CACNA2D3: variants seen among roughly 807,000 people sequenced by gnomAD.
CACNA2D3 encodes the protein calcium voltage-gated channel auxiliary subunit alpha2delta 3, also known as voltage-dependent calcium channel subunit alpha-2/delta-3.
CACNA2D3 carries 60 observed loss-of-function variants against 160.6 expected under a neutral mutation model. The ratio of observed to expected loss-of-function variants is 0.37; its 90% CI spans 0.30 to 0.46. The LOEUF is 0.46. Among genes scored for constraint, CACNA2D3 ranks in the 20% least tolerant of loss-of-function variants. The pLI, the probability that CACNA2D3 is intolerant of heterozygous loss-of-function variation, is 1.00. For synonymous variants in CACNA2D3, 558 were observed against 492.9 expected (o/e 1.13, Z -1.75); for missense variants, 1,205 against 1,365.0 (o/e 0.88, Z 1.85).
rs150941585 is a variant in CACNA2D3, at chr3:54,747,363, T to C, written c.1168-5236T>C. On this transcript the variant is annotated intron_variant, in intron 11 of 37. Coordinates refer to ENST00000474759, the MANE Select transcript of CACNA2D3 (RefSeq NM_018398.3). ...CCACAGTCATCTCTCACCTGGAACA[T>C]TGTAGTGGCCTCCTACTTACTACCT... Among the ~76,000 whole-genome samples the C allele has an allele frequency of 2.4e-3, 365 of 152,244 alleles. 2 individuals carry two copies. The highest frequency in any genetic ancestry group is 4.7e-3 in the Admixed American group (72 of 15,290).
intron 3 of CACNA2D3, among the ~76,000 whole-genome samples, chr3:54,370,489 A>G (rs1260843430): frequency 2.0e-5 from 3 of 152,156 alleles, no homozygotes; most frequent in African/African-American, 7.2e-5. Flanking sequence ...CTTAAAGGAG[A>G]TTTCAGTCTC....
chr3:54,313,757 C>T (rs925219220), intron 2 of CACNA2D3, among the ~76,000 whole-genome samples: 5 of 150,312 alleles, frequency 3.3e-5, no homozygotes, highest in African/African-American at 9.8e-5. Context: ...CCACCCCCAG[C>T]CTTGTCGTCC....
chr3:54,955,084 C>T (rs182035820), intron 27 of CACNA2D3, among the ~76,000 whole-genome samples: 41 of 152,266 alleles, frequency 2.7e-4, no homozygotes, highest in Admixed American at 2.4e-3. Context: ...GGAGAGAAGA[C>T]ATACAAAATT....
chr3:54,568,249 A>G (rs1331184873), intron 6 of CACNA2D3, among the ~76,000 whole-genome samples: 5 of 152,218 alleles, frequency 3.3e-5, no homozygotes, highest in African/African-American at 1.2e-4. Flanking sequence ...GCAGTGTTGC[A>G]CAATGATTCA....
At chr3:54,223,613 T>A (rs1247087125) in intron 2 of CACNA2D3, among the ~76,000 whole-genome samples, 1 of 152,108 alleles carries the variant, frequency 6.6e-6, no homozygotes, top group Admixed American at 6.6e-5. Flanking sequence ...CCCATCACTT[T>A]GGGAGGCCAA....
Position 54,910,108 on chromosome 3 carries a change from A to G in CACNA2D3, c.2449+10240A>G, listed in dbSNP as rs142420138. ...AGAAGATGTGCAGGATGTTAGGATC[A>G]ATGCCTGAATGTCATGGTCACCTCA... On this transcript the variant is annotated intron_variant, in intron 27 of 37. Coordinates refer to ENST00000474759, the MANE Select transcript of CACNA2D3 (RefSeq NM_018398.3). 1.9e-3 allele frequency among the ~76,000 whole-genome samples: 288 copies of G among 152,306 alleles called. 1 individual carries two copies. Among genetic ancestry groups the G allele is most frequent in the African/African-American group, 6.5e-3 (269 of 41,574 alleles).
chr3:54,998,081 A>T (rs1000635792), intron 31 of CACNA2D3, among the ~76,000 whole-genome samples: 1 of 151,342 alleles, frequency 6.6e-6, no homozygotes, highest in East Asian at 1.9e-4. Context: ...AAATATGACC[A>T]TCAGAGATAA....
intron 3 of CACNA2D3, among the ~76,000 whole-genome samples, chr3:54,378,560 C>T (rs1314772292): frequency 6.6e-6 from 1 of 152,188 alleles, no homozygotes; most frequent in East Asian, 1.9e-4. Flanking sequence ...AAGATAGTTC[C>T]ATTGCCCACA....
chr3:54,550,978 T>C (rs1702147224), intron 5 of CACNA2D3, among the ~76,000 whole-genome samples: 3 of 152,166 alleles, frequency 2.0e-5, no homozygotes, highest in Non-Finnish European at 4.4e-5. Flanking sequence ...CAGGAGCCTC[T>C]AAACACTCCC....
chr3:54,764,495 T>G (rs1238998819), intron 13 of CACNA2D3, 144 bp downstream of exon 13: 8 of 958,526 alleles, frequency 8.3e-6, no homozygotes, highest in African/African-American at 1.6e-5. Flanking sequence ...GTTGGTCACC[T>G]TGACAAGCAA....
At chr3:54,741,971 C>T (rs945928954) in intron 11 of CACNA2D3, among the ~76,000 whole-genome samples, 6 of 151,806 alleles carry the variant, frequency 4.0e-5, no homozygotes, top group Admixed American at 3.3e-4. Context: ...CTGACTACTG[C>T]CCCCGACAAT....
chr3:55,050,290 G>T (rs1478750803), intron 35 of CACNA2D3, among the ~76,000 whole-genome samples: 1 of 151,756 alleles, frequency 6.6e-6, no homozygotes, highest in Non-Finnish European at 1.5e-5. Context: ...CTCTTGTAAG[G>T]CAGGCCTGGT....
rs565358233 is a variant in CACNA2D3, at chr3:54,796,699, C to A, written c.1381-20154C>A. ...CATCTCACAGAGGACTGTCTGTCTCCCACAGCTCACACCTCTACTCTGGAC... is the reference window on the plus strand; with the variant it reads ...CATCTCACAGAGGACTGTCTGTCTCACACAGCTCACACCTCTACTCTGGAC... On this transcript the variant is annotated intron_variant, in intron 13 of 37. Transcript: ENST00000474759. 2.6e-5 allele frequency among the ~76,000 whole-genome samples: 4 copies of A among 152,276 alleles called. No individual in the cohort carries two copies. The East Asian group carries it at 7.7e-4, about 29-fold the overall frequency.
chr3:55,038,422 A>G (rs534191697), intron 35 of CACNA2D3, among the ~76,000 whole-genome samples: 11 of 152,298 alleles, frequency 7.2e-5, no homozygotes, highest in Admixed American at 1.3e-4. Flanking sequence ...TTGCATATCA[A>G]TATATGAACA....
intron 13 of CACNA2D3, among the ~76,000 whole-genome samples, chr3:54,814,814 TAGAG>T (rs1161267889): frequency 2.6e-5 from 4 of 151,546 alleles, no homozygotes; most frequent in African/African-American, 7.3e-5. Flanking sequence ...AAAGATAAAA[TAGAG>T]AGAGAGAGAA....
intron 12 of CACNA2D3, among the ~76,000 whole-genome samples, chr3:54,762,680 T>C (rs189012995): frequency 1.4e-3 from 206 of 152,338 alleles, no homozygotes; most frequent in Non-Finnish European, 2.6e-3. Flanking sequence ...GCAAAGCTGA[T>C]GTGACCCCAA....
intron 25 of CACNA2D3, chr3:54,894,705 CAG>C (rs964394336): frequency 6.4e-5 from 31 of 481,894 alleles, no homozygotes; most frequent in African/African-American, 5.5e-4. Context: ...GGCCAGGCAA[CAG>C]AGGCTCCTCC....
At chr3:54,393,339 A>G (rs1163599983) in intron 4 of CACNA2D3, among the ~76,000 whole-genome samples, 3 of 152,178 alleles carry the variant, frequency 2.0e-5, no homozygotes, top group South Asian at 2.1e-4. Context: ...AGCAGCTGAC[A>G]CTGTGTCCTG....
At chr3:54,597,313 A>G (rs1702972759) in intron 9 of CACNA2D3, among the ~76,000 whole-genome samples, 1 of 152,064 alleles carries the variant, frequency 6.6e-6, no homozygotes, top group Non-Finnish European at 1.5e-5. Flanking sequence ...CTGCAAGGTC[A>G]TCTTCCCTAC....
Sources: gnomAD v4.1 joint callset for allele counts (sites outside exome capture counted in the v4.1 genomes callset) on GRCh38, gnomAD v4.1.1 for gene constraint, MANE v1.5 for transcripts, NCBI Gene and HGNC (gene_info 2026-07-23, HGNC 2026-07-21) for gene names.